The following CCDC200 variants were observed in gnomAD, a reference collection of about 807,000 sequenced individuals.
The protein encoded by CCDC200 is coiled-coil domain-containing protein 200.
intron 1 of CCDC200, among the ~76,000 whole-genome samples, chr17:43,227,060 C>A (rs113316677): frequency 6.6e-6 from 1 of 152,076 alleles, no homozygotes; most frequent in African/African-American, 2.4e-5. Context: ...CTCACTGCAA[C>A]CTCCACCTCC....
chr17:43,224,845 G>A (rs912292102), intron 1 of CCDC200: 1 of 152,182 alleles, frequency 6.6e-6, no homozygotes, highest in Non-Finnish European at 1.5e-5. Context: ...GGAGGATAAA[G>A]AGTAATTCCC....
intron 1 of CCDC200, among the ~76,000 whole-genome samples, chr17:43,227,334 A>C (rs1252894995): frequency 6.6e-6 from 1 of 152,074 alleles, no homozygotes. Context: ...TAAATAAGTG[A>C]ATTAATTAAT....
intron 1 of CCDC200, chr17:43,225,086 G>C (rs565621748): frequency 6.6e-6 from 1 of 151,886 alleles, no homozygotes; most frequent in Non-Finnish European, 1.5e-5. Context: ...CTGGAGTGCA[G>C]TAAGTGGTGC....
intron 1 of CCDC200, among the ~76,000 whole-genome samples, chr17:43,227,356 C>T (rs1467671466): frequency 1.3e-5 from 2 of 152,132 alleles, no homozygotes; most frequent in African/African-American, 4.8e-5. Context: ...AAAGGCCAGG[C>T]ATGGTGGTTC....
intron 1 of CCDC200, chr17:43,225,086 G>GT (rs1437975684): frequency 6.6e-6 from 1 of 151,886 alleles, no homozygotes; most frequent in Non-Finnish European, 1.5e-5. Flanking sequence ...CTGGAGTGCA[G>GT]TAAGTGGTGC....
At chr17:43,225,693 T>TATATATATATATATATATATATA (rs1282739067) in intron 1 of CCDC200, among the ~76,000 whole-genome samples, 2 of 28,972 alleles carry the variant, frequency 6.9e-5, no homozygotes, top group East Asian at 1.2e-3. Flanking sequence ...TATATATATA[T>TATATATATATATATATATATATA]TGCATGCTAC....
At chr17:43,226,884 G>T (rs567578213) in intron 1 of CCDC200, among the ~76,000 whole-genome samples, 1 of 152,064 alleles carries the variant, frequency 6.6e-6, no homozygotes, top group Non-Finnish European at 1.5e-5. Flanking sequence ...TAAATTTACA[G>T]TTGAAAAAGT....
chr17:43,227,634 C>T (rs1208610648), intron 1 of CCDC200, among the ~76,000 whole-genome samples: 6 of 151,792 alleles, frequency 4.0e-5, no homozygotes, highest in East Asian at 2.0e-4. Context: ...TCCAGGCAAG[C>T]GCCACCATGC....
chr17:43,227,660 A>G (rs2057579142), intron 1 of CCDC200, among the ~76,000 whole-genome samples: 1 of 150,968 alleles, frequency 6.6e-6, no homozygotes, highest in Non-Finnish European at 1.5e-5. Flanking sequence ...TACTTTTTGT[A>G]CTTTTAGTAG....
chr17:43,224,394 T>C lies in CCDC200; in HGVS notation c.261A>G (p.Ser87=), dbSNP rs34901595. ...ATGTTGATGGCTGTGGTGGTGGCTG[T>C]GATGGTGGCTGCACTGATGGCTGCT... The part of the protein sequence containing the change: ...SQQQPSVQPP[S]QPPPQPSTLP... Residue 87 remains serine, a synonymous_variant, in exon 2 of 4, where the codon TCA becomes TCG. Transcript: ENST00000636331. 1 allele frequency: 154,749 copies of C among 155,278 alleles called. 77,114 individuals are homozygous for C. Among genetic ancestry groups the C allele is most frequent in the Middle Eastern group, 1 (302 of 302 alleles). The allele number at this position is 155,278 out of a possible 1,614,324, so 9.6% of individuals were successfully genotyped here.
At chr17:43,224,053 G>C (rs2057551402) in intron 2 of CCDC200, 181 bp downstream of exon 2, 1 of 152,322 alleles carries the variant, frequency 6.6e-6, no homozygotes, top group Non-Finnish European at 1.5e-5. Context: ...AGGGTAGGGT[G>C]GTAGATATGG....
chr17:43,227,275 G>T (rs71379214), intron 1 of CCDC200, among the ~76,000 whole-genome samples: 1 of 151,662 alleles, frequency 6.6e-6, no homozygotes, highest in East Asian at 1.9e-4. Flanking sequence ...CACTGTGCCC[G>T]GCTGGGAGCA....
intron 1 of CCDC200, chr17:43,226,388 T>C (rs1377021097): frequency 6.6e-6 from 1 of 152,156 alleles, no homozygotes; most frequent in Non-Finnish European, 1.5e-5. Flanking sequence ...TTTAATTACT[T>C]GTATTTATTT....
rs1238530780 is a variant in CCDC200 at position 43,227,319 on chromosome 17, T to A, written c.105+1131A>T. 3.3e-5 allele frequency among the ~76,000 whole-genome samples: 5 copies of A among 151,598 alleles called. No individual in the cohort carries two copies. In the South Asian group the frequency reaches 8.3e-4, roughly 25 times the overall value. On this transcript the variant is annotated intron_variant, in intron 1 of 3. Transcript: ENST00000636331. Reference sequence around the variant, plus strand: ...GCAAGACTCCATCTCAAAAAAAAAATAAAATAAATAAGTGAATTAATTAAT... The same window carrying A: ...GCAAGACTCCATCTCAAAAAAAAAAAAAAATAAATAAGTGAATTAATTAAT...
chr17:43,225,693 T>TATATATATATATATATATATATATATA (rs1282739067), intron 1 of CCDC200, among the ~76,000 whole-genome samples: 3 of 28,970 alleles, frequency 1.0e-4, no homozygotes, highest in Admixed American at 1.4e-3. Flanking sequence ...TATATATATA[T>TATATATATATATATATATATATATATA]TGCATGCTAC....
At chr17:43,230,678 GAAA>G (rs1194184063), upstream of CCDC200, among the ~76,000 whole-genome samples, 1 of 6,918 alleles carries the variant, frequency 1.4e-4, no homozygotes, top group Non-Finnish European at 4.4e-4. Context: ...CTTTGTCTCT[GAAA>G]AAAAAAAAAA....
At chr17:43,225,181 G>C (rs2057558549) in intron 1 of CCDC200, among the ~76,000 whole-genome samples, 1 of 151,634 alleles carries the variant, frequency 6.6e-6, no homozygotes, top group South Asian at 2.1e-4. Flanking sequence ...CTAAATGCAT[G>C]TGCCACCATG....
chr17:43,226,364 C>A (rs1475307543), intron 1 of CCDC200: 1 of 152,030 alleles, frequency 6.6e-6, no homozygotes, highest in African/African-American at 2.4e-5. Context: ...GAAGAAAAAA[C>A]AAGTGAAACT....
chr17:43,223,764 C>A (rs181667298), intron 2 of CCDC200, 150 bp from the exon 3 acceptor site: 1 of 152,150 alleles, frequency 6.6e-6, no homozygotes, highest in Non-Finnish European at 1.5e-5. Flanking sequence ...CAGACTGAGC[C>A]CTTCCTGAAG....
Sources: gnomAD v4.1 joint callset for allele counts (sites outside exome capture counted in the v4.1 genomes callset) on GRCh38, gnomAD v4.1.1 for gene constraint, MANE v1.5 for transcripts, NCBI Gene and HGNC (gene_info 2026-07-23, HGNC 2026-07-21) for gene names.